GABRA3: variants seen among roughly 807,000 people sequenced by gnomAD.
GABRA3 encodes gamma-aminobutyric acid receptor subunit alpha-3.
A neutral mutation model predicts 30.1 loss-of-function variants in GABRA3; 10 were observed. The ratio of observed to expected loss-of-function variants is 0.33; its 90% CI spans 0.20 to 0.56. GABRA3 has a LOEUF of 0.56. GABRA3 is among the 20% of genes least tolerant of loss of function. The pLI, the probability that GABRA3 is intolerant of heterozygous loss-of-function variation, is 0.89. For synonymous variants in GABRA3, 151 were observed against 146.8 expected (o/e 1.03, Z -0.21); for missense variants, 233 against 392.0 (o/e 0.59, Z 3.42).
intron 4 of GABRA3, among the ~76,000 whole-genome samples, chrX:152,280,603 G>C (rs1939182438): frequency 9.0e-6 from 1 of 111,596 alleles, no homozygotes; most frequent in Non-Finnish European, 1.9e-5. Flanking sequence ...ATCTGAATCT[G>C]TTGTCTAGAA....
chrX:152,311,377 T>C (rs1324552967), intron 3 of GABRA3, among the ~76,000 whole-genome samples: 3 of 112,439 alleles, frequency 2.7e-5, no homozygotes, highest in Non-Finnish European at 5.6e-5. Flanking sequence ...CTAGGCTTTA[T>C]TCCTGGGATA....
chrX:152,205,618 G>C (rs1937530557), intron 7 of GABRA3, among the ~76,000 whole-genome samples: 1 of 111,756 alleles, frequency 8.9e-6, no homozygotes, highest in Non-Finnish European at 1.9e-5. Context: ...TGACAGGAAG[G>C]CTTTTCACTT....
chrX:152,353,099 T>C (rs1174529812), intron 2 of GABRA3, among the ~76,000 whole-genome samples: 2 of 110,891 alleles, frequency 1.8e-5, no homozygotes, highest in East Asian at 5.7e-4. Flanking sequence ...AACCTGATTT[T>C]GGCTAGAATA....
chrX:152,346,353 A>C (rs1231230861), intron 2 of GABRA3, among the ~76,000 whole-genome samples: 1 of 111,984 alleles, frequency 8.9e-6, no homozygotes, highest in Non-Finnish European at 1.9e-5. Context: ...ATGGATTAAA[A>C]GACTGAAATC....
chrX:152,283,193 G>A (rs756029549), intron 4 of GABRA3, among the ~76,000 whole-genome samples: 15 of 111,149 alleles, frequency 1.3e-4, no homozygotes, highest in Non-Finnish European at 2.5e-4. Context: ...AGTTGACAGA[G>A]GGCAATGGAG....
chrX:152,417,410 C>T (rs1795067889), intron 1 of GABRA3, among the ~76,000 whole-genome samples: 1 of 110,340 alleles, frequency 9.1e-6, no homozygotes, highest in Non-Finnish European at 1.9e-5. Flanking sequence ...AATAGGAACA[C>T]TTTTACACTG....
chrX:152,340,028 T>C (rs190726114), intron 3 of GABRA3, among the ~76,000 whole-genome samples: 102 of 112,473 alleles, frequency 9.1e-4, no homozygotes, highest in Non-Finnish European at 1.7e-3. Flanking sequence ...AATGAGATTA[T>C]CTGTGTAGTT....
intron 6 of GABRA3, among the ~76,000 whole-genome samples, chrX:152,213,966 T>C (rs1160733387): frequency 9.0e-6 from 1 of 111,470 alleles, no homozygotes; most frequent in East Asian, 2.8e-4. Context: ...AAGTGCAGTT[T>C]TGTTAAACTG....
At chrX:152,283,314 G>A (rs777164039) in intron 4 of GABRA3, among the ~76,000 whole-genome samples, 20 of 111,372 alleles carry the variant, frequency 1.8e-4, no homozygotes, top group African/African-American at 6.2e-4. Flanking sequence ...TAAGTGCCAG[G>A]GAAGCCATGG....
At chrX:152,290,130 C>T (rs1391826586) in intron 3 of GABRA3, among the ~76,000 whole-genome samples, 1 of 107,379 alleles carries the variant, frequency 9.3e-6, no homozygotes, top group Non-Finnish European at 1.9e-5. Context: ...TACCCTCCCA[C>T]CAACAATGTA....
intron 9 of GABRA3, among the ~76,000 whole-genome samples, chrX:152,176,035 G>A (rs1359425075): frequency 1.9e-5 from 2 of 107,751 alleles, no homozygotes; most frequent in Admixed American, 2.0e-4. Context: ...CTCTACTCCA[G>A]CCTGGGTGAC....
At chrX:152,233,342 G>A (rs1160445126) in intron 5 of GABRA3, among the ~76,000 whole-genome samples, 1 of 110,940 alleles carries the variant, frequency 9.0e-6, no homozygotes, top group Admixed American at 9.7e-5. Context: ...TTTGGCTTTT[G>A]TTGCCATTGC....
intron 5 of GABRA3, among the ~76,000 whole-genome samples, chrX:152,230,078 CAAA>C (rs1352570117): frequency 1.8e-5 from 2 of 111,122 alleles, no homozygotes; most frequent in Non-Finnish European, 3.8e-5. Context: ...TTTAGCCAGT[CAAA>C]GAAGAAAAGA....
At chrX:152,326,284 G>A (rs758698997) in intron 3 of GABRA3, among the ~76,000 whole-genome samples, 1 of 111,917 alleles carries the variant, frequency 8.9e-6, no homozygotes, top group South Asian at 3.7e-4. Flanking sequence ...CACTCTTCAG[G>A]ATATTATCCA....
At chrX:152,180,344 C>T (rs1172329546) in intron 9 of GABRA3, among the ~76,000 whole-genome samples, 1 of 112,018 alleles carries the variant, frequency 8.9e-6, no homozygotes, top group Non-Finnish European at 1.9e-5. Flanking sequence ...AGCTGTATGT[C>T]TTCTTTTGAG....
intron 3 of GABRA3, among the ~76,000 whole-genome samples, chrX:152,291,508 T>C (rs1289724668): frequency 1.8e-5 from 2 of 111,707 alleles, no homozygotes; most frequent in Non-Finnish European, 3.8e-5. Flanking sequence ...TTTATTTATT[T>C]CTCTTGCATG....
intron 5 of GABRA3, chrX:152,251,170 C>T (rs1938547587): frequency 3.1e-6 from 1 of 318,992 alleles, no homozygotes. Flanking sequence ...TGTACTTCCT[C>T]TATTCTGTAA....
intron 3 of GABRA3, among the ~76,000 whole-genome samples, chrX:152,313,964 T>C (rs1313617431): frequency 9.0e-6 from 1 of 111,178 alleles, no homozygotes; most frequent in African/African-American, 3.3e-5. Context: ...CTATTTAAGA[T>C]TCCAGCAGGG....
chrX:152,275,853 G>A (rs1227278754), intron 4 of GABRA3, among the ~76,000 whole-genome samples: 6 of 109,366 alleles, frequency 5.5e-5, no homozygotes, highest in Non-Finnish European at 9.5e-5. Context: ...ATATGAATGA[G>A]AGACAGTTAA....
Sources: gnomAD v4.1 joint callset for allele counts (sites outside exome capture counted in the v4.1 genomes callset) on GRCh38, gnomAD v4.1.1 for gene constraint, MANE v1.5 for transcripts, NCBI Gene and HGNC (gene_info 2026-07-23, HGNC 2026-07-21) for gene names.